The following COG8 variants were observed in gnomAD, a reference collection of about 807,000 sequenced individuals.
The protein encoded by COG8 is conserved oligomeric Golgi complex subunit 8.
COG8 carries 45 observed loss-of-function variants against 46.5 expected under a neutral mutation model. The ratio of observed to expected loss-of-function variants is 0.97; its 90% CI spans 0.76 to 1.24. The LOEUF is 1.24. Ranked by LOEUF, COG8 falls within the 50% of genes most tolerant of loss-of-function variation. The pLI, the probability that COG8 is intolerant of heterozygous loss-of-function variation, is 0.00. For synonymous variants in COG8, 407 were observed against 347.8 expected (o/e 1.17, Z -1.90); for missense variants, 793 against 820.8 (o/e 0.97, Z 0.41).
At position 69,330,788 on chromosome 16, in the gene COG8, A is replaced by T. The variant is rs868110177; in HGVS notation, c.*26+25T>A. 2.7e-6 allele frequency: 4 copies of T among 1,505,218 alleles called. No homozygotes were observed. The African/African-American group carries it at 4.2e-5, about 16-fold the overall frequency. 93.2% of individuals were successfully genotyped at this position (1,505,218 alleles called of 1,614,324 possible). A position where few individuals can be genotyped will look rare whatever the true frequency, so the allele number is the denominator to read the frequency against. On this transcript the variant is annotated intron_variant, in intron 5 of 5. Coordinates refer to ENST00000306875, the MANE Select transcript of COG8 (RefSeq NM_032382.5). ...CTTCCAGGGCGAGGCAGTCCTGGCC[A>T]CCCCGCGCCGGGAACCTCACGCACC...
Position 69,335,331 on chromosome 16 carries a change from C to A in COG8, c.603G>T (p.Val201=). ...IPVIQGIVNE[V]RQSMQLMLSQ... is the part of the protein sequence containing the mutation. ...TCAGCATCAGCTGCATGGACTGGCG[C>A]ACTTCGTTCACGATGCCCTGACAAT... The change falls in exon 3 of 6, where the codon GTG becomes GTT. Residue 201 remains valine, a synonymous_variant. Coordinates refer to ENST00000306875, the MANE Select transcript of COG8 (RefSeq NM_032382.5). 6.2e-7 allele frequency: 1 copy of A among 1,600,204 alleles called. No individual in the cohort carries two copies.
At chr16:69,336,759 A>G in intron 1 of COG8, 47 bp from the exon 2 acceptor site, 1 of 1,536,836 alleles carries the variant, frequency 6.5e-7, no homozygotes, top group Non-Finnish European at 9.0e-7. Flanking sequence ...TCTGTACCCA[A>G]ACCTTAGCTA....
At chr16:69,330,646 A>T in intron 5 of COG8, 167 bp downstream of exon 5, 3 of 1,407,038 alleles carry the variant, frequency 2.1e-6, no homozygotes, top group Non-Finnish European at 2.8e-6. Flanking sequence ...GCCGTCGGCC[A>T]GCACACAGCG....
intron 2 of COG8, among the ~76,000 whole-genome samples, chr16:69,335,952 T>C (rs1039489209): frequency 2.0e-5 from 3 of 152,120 alleles, no homozygotes; most frequent in African/African-American, 7.2e-5. Flanking sequence ...TTCCTAGTGC[T>C]CTCCCGCTGC....
In COG8 at chr16:69,339,249, G is replaced by T; in HGVS notation, c.304C>A (p.Arg102Ser). 6.2e-7 allele frequency: 1 copy of T among 1,612,702 alleles called. No homozygotes were observed. The highest frequency in any genetic ancestry group is 1.6e-4 in the Middle Eastern group (1 of 6,062). ...GACGCCTCCACGTCGCCAAACAGGC[G>T]GTGGATGCGCTCGGTGCACTCGGCG... The part of the protein sequence containing the change: ...RGAECTERIH[R>S]LFGDVEASLG... Residue 102 changes from arginine (R) to serine (S), a missense_variant, in exon 1 of 6, where the codon CGC becomes AGC. Physicochemically the swap from Arg to Ser is moderately radical, Grantham distance 110. Transcript: ENST00000306875.
intron 5 of COG8, chr16:69,330,510 C>A (rs964493606): frequency 6.8e-7 from 1 of 1,472,180 alleles, no homozygotes; most frequent in Admixed American, 2.5e-5. Context: ...GCTGCCGCCC[C>A]GCCCCACGGC....
chr16:69,332,552 G>A (rs1157277220), intron 4 of COG8, 162 bp downstream of exon 4: 1 of 753,170 alleles, frequency 1.3e-6, no homozygotes, highest in African/African-American at 1.7e-5. Context: ...TGCTGTCGAG[G>A]AATGACTACA....
chr16:69,330,903 CCCG>C lies in COG8; in HGVS notation c.1772_1774del (p.Ala591del), dbSNP rs1371773562. 6.4e-7 allele frequency: 1 copy of C among 1,552,280 alleles called. No individual in the cohort carries two copies. The highest frequency in any genetic ancestry group is 8.7e-7 in the Non-Finnish European group (1 of 1,148,094). ...TCGCCCTCCCTCCGGGCAGGCTGGG[CCCG>C]CGGGCTCCAGGCGTGGCTCCTCGGC... On this transcript the variant is annotated inframe_deletion, in exon 5 of 6. Coordinates refer to ENST00000306875, the MANE Select transcript of COG8 (RefSeq NM_032382.5).
rs148661136 is a variant in COG8, at chr16:69,334,737, G to A, written c.1197C>T (p.Leu399=). The A allele has an allele frequency of 1.7e-5, 28 of 1,614,020 alleles. No homozygotes were observed. In the African/African-American group the frequency reaches 3.1e-4, roughly 18 times the overall value. The change falls in exon 3 of 6, where the codon CTC becomes CTT. Residue 399 remains leucine, a synonymous_variant. Coordinates refer to ENST00000306875, the MANE Select transcript of COG8 (RefSeq NM_032382.5). ...TGCCCAGGATGGCTGGAGCCGAGAT[G>A]AGCATGTAGGAGTTCATTTCTTCCT... ...KFQEEMNSYM[L]ISAPAILGTS... is the part of the protein sequence containing the mutation.
chr16:69,335,940 G>T (rs2012183207), intron 2 of COG8, among the ~76,000 whole-genome samples: 1 of 151,932 alleles, frequency 6.6e-6, no homozygotes, highest in African/African-American at 2.4e-5. Flanking sequence ...ATCTTCACCT[G>T]CTTCCTAGTG....
In COG8 at chr16:69,326,640, G is replaced by A. The variant is rs1965601547; in HGVS notation, c.*2566C>T. The A allele has an allele frequency of 6.6e-6, 1 of 152,172 alleles. No homozygotes were observed. Among genetic ancestry groups the A allele is most frequent in the Non-Finnish European group, 1.5e-5 (1 of 68,052 alleles). The allele number at this position is 152,172 out of a possible 1,614,324, so 9.4% of individuals were successfully genotyped here. On this transcript the variant is annotated 3_prime_UTR_variant, in exon 6 of 6. Coordinates refer to ENST00000306875, the MANE Select transcript of COG8 (RefSeq NM_032382.5). ...ATGACCAGCAACAGGAACCACTGACGCTGAACTTTGGACAGTGGCCTCAGA... is the reference window on the plus strand; with the variant it reads ...ATGACCAGCAACAGGAACCACTGACACTGAACTTTGGACAGTGGCCTCAGA...
At chr16:69,331,411 C>CCATT (rs2011823307) in intron 4 of COG8, among the ~76,000 whole-genome samples, 1 of 139,838 alleles carries the variant, frequency 7.2e-6, no homozygotes, top group Non-Finnish European at 1.5e-5. Context: ...CGAGATCGCG[C>CCATT]CATTGCACTC....
intron 5 of COG8, chr16:69,330,252 G>A: frequency 7.0e-7 from 1 of 1,435,010 alleles, no homozygotes; most frequent in Non-Finnish European, 9.1e-7. Context: ...CCCACGCAGC[G>A]CCGCCGCCGC....
Position 69,329,068 on chromosome 16 carries a change from T to C in COG8, c.*138A>G. ...ATAGACGTTTGTGAACGTCCTGCTGTCCATTTTGTCAATAAACAGGCAGCC... is the reference window on the plus strand; with the variant it reads ...ATAGACGTTTGTGAACGTCCTGCTGCCCATTTTGTCAATAAACAGGCAGCC... On this transcript the variant is annotated 3_prime_UTR_variant, in exon 6 of 6. Coordinates refer to ENST00000306875, the MANE Select transcript of COG8 (RefSeq NM_032382.5). 1 of 1,612,112 alleles carries C rather than the reference T, an allele frequency of 6.2e-7. No individual in the cohort carries two copies. The highest frequency in any genetic ancestry group is 8.5e-7 in the Non-Finnish European group (1 of 1,179,476).
intron 1 of COG8, among the ~76,000 whole-genome samples, chr16:69,337,031 G>A (rs1320871197): frequency 3.3e-5 from 5 of 152,180 alleles, no homozygotes; most frequent in Non-Finnish European, 2.9e-5. Flanking sequence ...AGGCGCAGTG[G>A]CTCACGCCTG....
In COG8 at chr16:69,330,125, G is replaced by C. The variant is rs758028042; in HGVS notation, c.*26+688C>G. On this transcript the variant is annotated intron_variant, in intron 5 of 5. Transcript: ENST00000306875. ...GCTGGGGTTCACGAACACGCGCAGG[G>C]GGAAGGGCTCCATTTGGCGGAGCGC... 8.9e-6 allele frequency: 14 copies of C among 1,574,970 alleles called. No individual in the cohort carries two copies. The East Asian group carries it at 2.2e-4, about 25-fold the overall frequency.
In COG8 at chr16:69,335,109, G is replaced by T. The variant is rs147094162; in HGVS notation, c.825C>A (p.Ile275=). The T allele has an allele frequency of 2.5e-6, 4 of 1,614,044 alleles. No individual in the cohort carries two copies. Among genetic ancestry groups the T allele is most frequent in the South Asian group, 1.1e-5 (1 of 91,080 alleles). Residue 275 remains isoleucine, a synonymous_variant, in exon 3 of 6, where the codon ATC becomes ATA. Transcript: ENST00000306875. ...CAAAGAGATGGACACGGGAGGCCTC[G>T]ATGGTTTTTGTAATATGGAAATAGG... The part of the protein sequence containing the change: ...DDPYFHITKT[I]EASRVHLFDI...
chr16:69,327,991 CTGGA>C lies in COG8; in HGVS notation c.*1211_*1214del, dbSNP rs200962335. ...TTTGAGTCTCGCTCTGTCGCCCAGGCTGGATGGAGTGCAGTGGCGTGATCTCAGC... is the reference window on the plus strand; with the variant it reads ...TTTGAGTCTCGCTCTGTCGCCCAGGCTGGAGTGCAGTGGCGTGATCTCAGC... On this transcript the variant is annotated 3_prime_UTR_variant, in exon 6 of 6. Transcript: ENST00000306875. The C allele has an allele frequency of 0.052, 7,865 of 152,184 alleles. 283 individuals carry two copies. Among genetic ancestry groups the C allele is most frequent in the Middle Eastern group, 0.1 (30 of 294 alleles). 9.4% of individuals were successfully genotyped at this position (152,184 alleles called of 1,614,324 possible).
rs891377525 is a variant in COG8 at position 69,327,858 on chromosome 16, AAAAAT to A, written c.*1343_*1347del. 6.7e-6 allele frequency: 1 copy of A among 149,458 alleles called. No individual in the cohort carries two copies. Among genetic ancestry groups the A allele is most frequent in the Admixed American group, 6.6e-5 (1 of 15,138 alleles). 9.3% of individuals were successfully genotyped at this position (149,458 alleles called of 1,614,324 possible). On this transcript the variant is annotated 3_prime_UTR_variant, in exon 6 of 6. Transcript: ENST00000306875. ...AAGACCCCCGTCTCTATCTTAAAAA[AAAAAT>A]AAAAGAATAAAACAAGTTCCTTCAC...
Sources: gnomAD v4.1 joint callset for allele counts (sites outside exome capture counted in the v4.1 genomes callset) on GRCh38, gnomAD v4.1.1 for gene constraint, MANE v1.5 for transcripts, NCBI Gene and HGNC (gene_info 2026-07-23, HGNC 2026-07-21) for gene names.